The following CBFA2T2 variants were observed in gnomAD, a reference collection of about 807,000 sequenced individuals.
CBFA2T2 encodes the protein CBFA2/RUNX1 partner transcriptional co-repressor 2.
In CBFA2T2, 11 loss-of-function variants were observed where a neutral mutation model predicts 62.2. That is an observed-to-expected ratio of 0.18 (90% CI 0.11 to 0.29). The LOEUF is 0.29. CBFA2T2 is among the 10% of genes least tolerant of loss of function. The pLI is 1.00. For synonymous variants in CBFA2T2, 295 were observed against 287.5 expected (o/e 1.03, Z -0.27); for missense variants, 592 against 774.1 (o/e 0.76, Z 2.79).
chr20:33,593,891 A>G (rs1015284063), intron 1 of CBFA2T2, among the ~76,000 whole-genome samples: 5 of 152,272 alleles, frequency 3.3e-5, no homozygotes, highest in East Asian at 1.9e-4. Flanking sequence ...AGGGCCCCCA[A>G]CGGTCCCAGG....
chr20:33,639,886 C>CT (rs1217174945), intron 9 of CBFA2T2, among the ~76,000 whole-genome samples: 1 of 151,792 alleles, frequency 6.6e-6, no homozygotes, highest in East Asian at 1.9e-4. Context: ...AAGGCCCTGT[C>CT]TCAAAAAAAA....
At chr20:33,526,785 T>A (rs1417713847) in intron 1 of CBFA2T2, among the ~76,000 whole-genome samples, 3 of 152,208 alleles carry the variant, frequency 2.0e-5, no homozygotes, top group African/African-American at 7.2e-5. Context: ...TTAAGCTATA[T>A]TTCCATGTGT....
intron 1 of CBFA2T2, among the ~76,000 whole-genome samples, chr20:33,588,452 C>T (rs970218278): frequency 1.3e-5 from 2 of 151,392 alleles, no homozygotes; most frequent in African/African-American, 4.9e-5. Flanking sequence ...TATATGTTAA[C>T]CACAAAAGTA....
intron 1 of CBFA2T2, among the ~76,000 whole-genome samples, chr20:33,588,042 A>T (rs1186994069): frequency 6.6e-6 from 1 of 152,240 alleles, no homozygotes; most frequent in Non-Finnish European, 1.5e-5. Flanking sequence ...AGACTGAGAG[A>T]ACTATTACTT....
chr20:33,498,278 C>G lies in CBFA2T2; in HGVS notation c.34+7977C>G, dbSNP rs1199917256. ...TTTTTTTTTTTGAGATGGAGTTTCC[C>G]TTTTGTTGCCCAGGCTGGAGTGCAG... is the stretch of plus-strand genomic sequence containing the variant. On this transcript the variant is annotated intron_variant, in intron 1 of 10. Transcript: ENST00000342704. Among the ~76,000 whole-genome samples, 3 of 149,796 alleles carry G rather than the reference C, an allele frequency of 2.0e-5. No homozygotes were observed. The East Asian group carries it at 5.9e-4, about 29-fold the overall frequency.
intron 1 of CBFA2T2, among the ~76,000 whole-genome samples, chr20:33,551,503 A>G (rs907326895): frequency 2.6e-5 from 4 of 151,968 alleles, no homozygotes; most frequent in African/African-American, 9.7e-5. Context: ...GGTGTGAGCC[A>G]CCACACCCAG....
At chr20:33,590,478 T>C (rs957395814) in intron 1 of CBFA2T2, among the ~76,000 whole-genome samples, 4 of 152,140 alleles carry the variant, frequency 2.6e-5, no homozygotes, top group Admixed American at 2.6e-4. Context: ...AGGAATATAC[T>C]TCTTCTTTGA....
intron 4 of CBFA2T2, among the ~76,000 whole-genome samples, chr20:33,620,992 C>T (rs1485455525): frequency 1.3e-5 from 2 of 152,184 alleles, no homozygotes; most frequent in African/African-American, 4.8e-5. Context: ...TGGGAGGGAG[C>T]ATAGTTCTGG....
chr20:33,525,425 A>G (rs565671890), intron 1 of CBFA2T2, among the ~76,000 whole-genome samples: 27 of 152,038 alleles, frequency 1.8e-4, no homozygotes, highest in African/African-American at 6.5e-4. Context: ...ACCTCAGGTG[A>G]TCTTCCTGCC....
At position 33,629,774 on chromosome 20, in the gene CBFA2T2, T is replaced by C. The variant is rs2016382365; in HGVS notation, c.1088T>C (p.Leu363Pro). 6.2e-7 allele frequency: 1 copy of C among 1,614,070 alleles called. No homozygotes were observed. The highest frequency in any genetic ancestry group is 8.5e-7 in the Non-Finnish European group (1 of 1,180,044). ...AAAACAAGGCGCTCTATGGCAGTTC[T>C]GCGGCGCTGTCAGGAATCAGATCGT... ...VEKTRRSMAV[L>P]RRCQESDREE... Residue 363 changes from leucine to proline, a missense_variant, in exon 8 of 11, where the codon CTG becomes CCG. Around this residue, in one of 3 missense-constraint regions of CBFA2T2, gnomAD observed 449 missense variants for 551.2 expected, o/e 0.81. Coordinates refer to ENST00000342704, the MANE Select transcript of CBFA2T2 (RefSeq NM_001032999.3).
At chr20:33,539,835 T>TACC (rs1254358528) in intron 1 of CBFA2T2, among the ~76,000 whole-genome samples, 1 of 152,006 alleles carries the variant, frequency 6.6e-6, no homozygotes, top group Non-Finnish European at 1.5e-5. Context: ...TATAGGTGCG[T>TACC]ACCACCATGC....
At chr20:33,520,202 A>G (rs1436562677) in intron 1 of CBFA2T2, among the ~76,000 whole-genome samples, 1 of 152,172 alleles carries the variant, frequency 6.6e-6, no homozygotes. Flanking sequence ...AACTATTTTG[A>G]TATAGCACAA....
chr20:33,592,048 G>T (rs1178040387), intron 1 of CBFA2T2, among the ~76,000 whole-genome samples: 2 of 152,068 alleles, frequency 1.3e-5, no homozygotes, highest in Non-Finnish European at 2.9e-5. Flanking sequence ...TTGATAACAA[G>T]TGTTAGTTGA....
intron 1 of CBFA2T2, among the ~76,000 whole-genome samples, chr20:33,572,176 G>C (rs1568826051): frequency 6.6e-6 from 1 of 152,150 alleles, no homozygotes; most frequent in African/African-American, 2.4e-5. Context: ...ATAAATTTTA[G>C]AATAATATCT....
intron 1 of CBFA2T2, among the ~76,000 whole-genome samples, chr20:33,528,298 A>C (rs964090003): frequency 6.6e-6 from 1 of 152,250 alleles, no homozygotes; most frequent in African/African-American, 2.4e-5. Context: ...CTGTGAACTC[A>C]GGTAACTAAG....
In CBFA2T2 at chr20:33,645,487, G is replaced by T. The variant is rs1214688456; in HGVS notation, c.*841G>T. ...ACTAGTATCGTCAAATTATTGAGTG[G>T]ATCATCTCTTGGAAATGCAGAACTT... On this transcript the variant is annotated 3_prime_UTR_variant, in exon 11 of 11. Coordinates refer to ENST00000342704, the MANE Select transcript of CBFA2T2 (RefSeq NM_001032999.3). The T allele has an allele frequency of 1.3e-5, 2 of 152,174 alleles. No homozygotes were observed. Among genetic ancestry groups the T allele is most frequent in the African/African-American group, 4.8e-5 (2 of 41,430 alleles). The allele number at this position is 152,174 out of a possible 1,614,324, so 9.4% of individuals were successfully genotyped here. A position where few individuals can be genotyped will look rare whatever the true frequency, so the allele number is the denominator to read the frequency against.
At chr20:33,504,518 C>T (rs916874566) in intron 1 of CBFA2T2, among the ~76,000 whole-genome samples, 3 of 151,236 alleles carry the variant, frequency 2.0e-5, no homozygotes, top group African/African-American at 7.3e-5. Context: ...ATTCTCCTGC[C>T]TCAGTCTGCC....
At chr20:33,593,311 G>A (rs1453965200) in intron 1 of CBFA2T2, among the ~76,000 whole-genome samples, 1 of 151,532 alleles carries the variant, frequency 6.6e-6, no homozygotes, top group African/African-American at 2.4e-5. Flanking sequence ...CAACCTGGGC[G>A]ACAGTGAGAT....
intron 8 of CBFA2T2, among the ~76,000 whole-genome samples, chr20:33,632,198 C>T (rs1283794241): frequency 6.6e-6 from 1 of 152,106 alleles, no homozygotes; most frequent in Non-Finnish European, 1.5e-5. Flanking sequence ...CACCTGCCAC[C>T]ATGCCTGGCT....
Sources: allele counts gnomAD v4.1 joint callset (sites outside exome capture counted in the v4.1 genomes callset), GRCh38; gene constraint gnomAD v4.1.1; regional missense constraint gnomAD v4.1.1; transcripts MANE v1.5; gene names NCBI Gene and HGNC (gene_info 2026-07-23, HGNC 2026-07-21).